The following MAN1A1 variants were observed in gnomAD, a reference collection of about 807,000 sequenced individuals.
The protein encoded by MAN1A1 is mannosidase alpha class 1A member 1, also known as mannosyl-oligosaccharide 1,2-alpha-mannosidase IA.
MAN1A1 carries 29 observed loss-of-function variants against 70.8 expected under a neutral mutation model. The ratio of observed to expected loss-of-function variants is 0.41; its 90% CI spans 0.31 to 0.56. MAN1A1 has a LOEUF of 0.56. MAN1A1 is among the 20% of genes least tolerant of loss of function. MAN1A1 has a pLI of 0.29. For synonymous variants in MAN1A1, 349 were observed against 330.1 expected (o/e 1.06, Z -0.62); for missense variants, 747 against 841.3 (o/e 0.89, Z 1.39).
Position 119,178,161 on chromosome 6 carries a change from A to G in MAN1A1, c.*1658T>C, listed in dbSNP as rs1773052386. ...CCAATGTATGATATTGAAAAACAGA[A>G]AGCAGGTCATAAAGATGGTCCTGTC... is the stretch of plus-strand genomic sequence containing the variant. On this transcript the variant is annotated 3_prime_UTR_variant, in exon 13 of 13. Transcript: ENST00000368468. The G allele has an allele frequency of 6.6e-6, 1 of 152,122 alleles. No individual in the cohort carries two copies. Among genetic ancestry groups the G allele is most frequent in the Non-Finnish European group, 1.5e-5 (1 of 67,956 alleles). 9.4% of individuals were successfully genotyped at this position (152,122 alleles called of 1,614,324 possible).
intron 12 of MAN1A1, 103 bp from the exon 13 acceptor site, chr6:119,180,048 A>C (rs1773108672): frequency 8.0e-7 from 1 of 1,257,228 alleles, no homozygotes; most frequent in African/African-American, 1.5e-5. Flanking sequence ...TCATCTTACC[A>C]AGAAACATGG....
chr6:119,348,557 C>T lies in MAN1A1; in HGVS notation c.509G>A (p.Gly170Asp). ...GGGCACGAAGTCCACCGGGGGCAGGCCTCTGAACGGCGCCTTGTCACGCAG... is the reference window on the plus strand; with the variant it reads ...GGGCACGAAGTCCACCGGGGGCAGGTCTCTGAACGGCGCCTTGTCACGCAG... ...DQLRDKAPFR[G>D]LPPVDFVPPI... is the part of the protein sequence containing the mutation. Residue 170 changes from glycine to aspartate, a missense_variant, in exon 2 of 13, where the codon GGC becomes GAC. Transcript: ENST00000368468. 2 of 1,613,632 alleles carry T rather than the reference C, an allele frequency of 1.2e-6. No homozygotes were observed. The highest frequency in any genetic ancestry group is 1.7e-6 in the Non-Finnish European group (2 of 1,179,792).
At chr6:119,317,229 T>C (rs1248661571) in intron 2 of MAN1A1, among the ~76,000 whole-genome samples, 1 of 152,198 alleles carries the variant, frequency 6.6e-6, no homozygotes, top group African/African-American at 2.4e-5. Flanking sequence ...CTGATGGACC[T>C]ACACTGACAC....
At chr6:119,181,253 C>A (rs1258453718) in intron 11 of MAN1A1, among the ~76,000 whole-genome samples, 1 of 152,180 alleles carries the variant, frequency 6.6e-6, no homozygotes, top group Non-Finnish European at 1.5e-5. Context: ...TTTGGAGAGA[C>A]TGCTAATGTC....
Position 119,349,003 on chromosome 6 carries a change from C to T in MAN1A1, c.63G>A (p.Gly21=), listed in dbSNP as rs778052669. Reference sequence around the variant, plus strand: ...CCTTCCTGCCACCGCCGCCGCCGAGCCCCCCGCCCAGGACGCCGCCCGCGG... The same window carrying T: ...CCTTCCTGCCACCGCCGCCGCCGAGTCCCCCGCCCAGGACGCCGCCCGCGG... The part of the protein sequence containing the change: ...SSPAGGVLGG[G]LGGGGGRKGS... Residue 21 remains glycine, a synonymous_variant, in exon 2 of 13, where the codon GGG becomes GGA. Coordinates refer to ENST00000368468, the MANE Select transcript of MAN1A1 (RefSeq NM_005907.4). 244 of 1,410,774 alleles carry T rather than the reference C, an allele frequency of 1.7e-4. No individual in the cohort carries two copies. The highest frequency in any genetic ancestry group is 1.0e-3 in the African/African-American group (69 of 67,544). The allele number at this position is 1,410,774 out of a possible 1,614,324, so 87.4% of individuals were successfully genotyped here. A position where few individuals can be genotyped will look rare whatever the true frequency, so the allele number is the denominator to read the frequency against.
chr6:119,331,833 T>C (rs1213595824), intron 2 of MAN1A1: 7 of 304,848 alleles, frequency 2.3e-5, no homozygotes, highest in Non-Finnish European at 4.6e-5. Flanking sequence ...TGATTCTTTA[T>C]TCAAGGTGGG....
intron 2 of MAN1A1, among the ~76,000 whole-genome samples, chr6:119,312,158 C>T (rs1274809477): frequency 6.6e-6 from 1 of 152,052 alleles, no homozygotes; most frequent in Non-Finnish European, 1.5e-5. Flanking sequence ...CAGGCAAGGT[C>T]TGAGGTGGAA....
At chr6:119,290,573 T>TA in intron 5 of MAN1A1, 110 bp downstream of exon 5, 1 of 716,476 alleles carries the variant, frequency 1.4e-6, no homozygotes, top group Non-Finnish European at 2.3e-6. Flanking sequence ...CATTGAAATA[T>TA]AAAAATTCCA....
intron 6 of MAN1A1, among the ~76,000 whole-genome samples, chr6:119,229,304 A>G (rs1237876845): frequency 3.3e-5 from 5 of 152,116 alleles, no homozygotes; most frequent in African/African-American, 1.2e-4. Context: ...TTTGGGAAGC[A>G]GTGTTATAAT....
intron 5 of MAN1A1, among the ~76,000 whole-genome samples, chr6:119,273,569 T>A (rs1335861212): frequency 6.6e-6 from 1 of 152,204 alleles, no homozygotes; most frequent in Non-Finnish European, 1.5e-5. Context: ...CAAGACCTGC[T>A]TCTGGCATAA....
At chr6:119,319,350 A>G (rs1052909593) in intron 2 of MAN1A1, among the ~76,000 whole-genome samples, 1 of 148,898 alleles carries the variant, frequency 6.7e-6, no homozygotes, top group Non-Finnish European at 1.5e-5. Flanking sequence ...TTTTTCTTCA[A>G]AATGGTAAAA....
chr6:119,334,674 A>G (rs746661589), intron 2 of MAN1A1, among the ~76,000 whole-genome samples: 2 of 152,260 alleles, frequency 1.3e-5, no homozygotes, highest in Non-Finnish European at 2.9e-5. Context: ...TAAATGCACT[A>G]GGAATCTCTG....
At chr6:119,267,938 G>A (rs200055414) in intron 5 of MAN1A1, among the ~76,000 whole-genome samples, 1 of 152,120 alleles carries the variant, frequency 6.6e-6, no homozygotes, top group East Asian at 1.9e-4. Flanking sequence ...GCATATGTAT[G>A]GTGGAGTTTG....
At chr6:119,285,143 T>TTTCTTTTCTTTTC (rs1444540202) in intron 5 of MAN1A1, among the ~76,000 whole-genome samples, 1 of 151,182 alleles carries the variant, frequency 6.6e-6, no homozygotes, top group East Asian at 1.9e-4. Flanking sequence ...CAGACTTTTT[T>TTTCTTTTCTTTTC]TTTTTTTTTT....
At chr6:119,250,916 A>C (rs1044639108) in intron 5 of MAN1A1, among the ~76,000 whole-genome samples, 4 of 152,178 alleles carry the variant, frequency 2.6e-5, no homozygotes, top group African/African-American at 7.2e-5. Context: ...TTCTGGGCAA[A>C]CTTCCCCAGC....
intron 11 of MAN1A1, among the ~76,000 whole-genome samples, chr6:119,184,642 G>A (rs1266383760): frequency 6.6e-6 from 1 of 151,862 alleles, no homozygotes; most frequent in East Asian, 1.9e-4. Context: ...AGTGGAAAAG[G>A]TTAGGTTTAG....
intron 5 of MAN1A1, among the ~76,000 whole-genome samples, chr6:119,290,303 A>T (rs1005432434): frequency 6.6e-6 from 1 of 152,040 alleles, no homozygotes; most frequent in Non-Finnish European, 1.5e-5. Context: ...TTATTCATTT[A>T]AAAAAGTTTT....
At chr6:119,333,900 A>G (rs1027074582) in intron 2 of MAN1A1, among the ~76,000 whole-genome samples, 4 of 152,186 alleles carry the variant, frequency 2.6e-5, no homozygotes, top group Non-Finnish European at 5.9e-5. Flanking sequence ...TGGGTGGAGA[A>G]CTACAACCAC....
intron 5 of MAN1A1, among the ~76,000 whole-genome samples, chr6:119,283,745 G>A (rs1776282693): frequency 6.6e-6 from 1 of 152,126 alleles, no homozygotes; most frequent in African/African-American, 2.4e-5. Flanking sequence ...GAAGGTCCAT[G>A]AGGACTGTTA....
Sources: allele counts gnomAD v4.1 joint callset (sites outside exome capture counted in the v4.1 genomes callset), GRCh38; gene constraint gnomAD v4.1.1; transcripts MANE v1.5; gene names NCBI Gene and HGNC (gene_info 2026-07-23, HGNC 2026-07-21).